Variants in BPTF observed in about 807,000 individuals in gnomAD.
BPTF encodes the protein bromodomain PHD finger transcription factor.
BPTF carries 18 observed loss-of-function variants against 292.5 expected under a neutral mutation model. The observed-to-expected ratio is 0.06, with a 90% CI of 0.04 to 0.09. The LOEUF (loss-of-function observed/expected upper bound fraction) is 0.09, where lower values mean the gene tolerates loss of function less well. BPTF is among the 10% of genes least tolerant of loss of function. BPTF has a pLI of 1.00. For synonymous variants in BPTF, 1,225 were observed against 1,251.9 expected, an observed-to-expected ratio of 0.98 and a Z score of 0.45; for missense variants, 2,726 against 3,498.7, an observed-to-expected ratio of 0.78 and a Z score of 5.57.
At position 67,904,860 on chromosome 17, in the gene BPTF, T is replaced by A. The variant is rs527643370; in HGVS notation, c.2812+20T>A. 1.3e-6 allele frequency: 2 copies of A among 1,588,970 alleles called. No homozygotes were observed. Among genetic ancestry groups the A allele is most frequent in the Non-Finnish European group, 8.6e-7 (1 of 1,161,158 alleles). ...AAGGAAGTAAGTAATTAAAATTACA[T>A]GTCCTGCATAATCGTTTCTGCTTTA... On this transcript the variant is annotated intron_variant, in intron 9 of 27. Coordinates refer to ENST00000306378, the MANE Select transcript of BPTF (RefSeq NM_182641.4).
chr17:67,909,406 A>G (rs778428287), intron 9 of BPTF, among the ~76,000 whole-genome samples, 176 bp from the exon 10 acceptor site: 4 of 151,178 alleles, frequency 2.6e-5, no homozygotes, highest in Non-Finnish European at 5.9e-5. Flanking sequence ...TCAGCCAGGC[A>G]TATAGGATTA....
Position 67,825,674 on chromosome 17 carries a change from G to T in BPTF, c.-51G>T. 1 of 226,974 alleles carries T rather than the reference G, an allele frequency of 4.4e-6. No homozygotes were observed. The highest frequency in any genetic ancestry group is 5.3e-5 in the South Asian group (1 of 18,726). 14.1% of individuals were successfully genotyped at this position (226,974 alleles called of 1,614,324 possible). On this transcript the variant is annotated 5_prime_UTR_variant, in exon 1 of 28. Transcript: ENST00000306378. ...CCCGGCGCTCCCCACCGCCCCCCCT[G>T]CGCCCGCCCCTCCCCCTTCGCTTTC...
chr17:67,970,276 C>A (rs1381264455), intron 26 of BPTF, among the ~76,000 whole-genome samples: 1 of 151,918 alleles, frequency 6.6e-6, no homozygotes, highest in Non-Finnish European at 1.5e-5. Flanking sequence ...GTGCCTCATG[C>A]CTGTGGTCCC....
chr17:67,866,818 A>G, intron 3 of BPTF, 131 bp downstream of exon 3: 1 of 671,694 alleles, frequency 1.5e-6, no homozygotes, highest in Non-Finnish European at 2.6e-6. Flanking sequence ...ATGGGGATAC[A>G]TTCTGAAAAA....
intron 9 of BPTF, among the ~76,000 whole-genome samples, chr17:67,909,277 C>CA (rs919471590): frequency 1.1e-5 from 1 of 88,538 alleles, no homozygotes; most frequent in African/African-American, 4.1e-5. Flanking sequence ...GTCCCCCCCC[C>CA]CCTTTTTTTT....
intron 7 of BPTF, among the ~76,000 whole-genome samples, chr17:67,903,016 G>A (rs1320065548): frequency 6.6e-6 from 1 of 152,220 alleles, no homozygotes; most frequent in African/African-American, 2.4e-5. Context: ...AGTCTTTACT[G>A]GTAGGTGCAG....
At chr17:67,937,802 C>T (rs56393562) in intron 18 of BPTF, among the ~76,000 whole-genome samples, 33,314 of 152,022 alleles carry the variant, frequency 0.22, 4,309 homozygotes, top group East Asian at 0.68. Context: ...CCTCTTCCTA[C>T]GCCACACTAG....
chr17:67,868,123 A>G (rs1048697318), intron 3 of BPTF, among the ~76,000 whole-genome samples: 6 of 152,160 alleles, frequency 3.9e-5, no homozygotes, highest in Admixed American at 1.3e-4. Flanking sequence ...TTATAATTCA[A>G]TGTCACCTTA....
chr17:67,885,389 G>A (rs2060684302), intron 4 of BPTF, among the ~76,000 whole-genome samples: 1 of 152,182 alleles, frequency 6.6e-6, no homozygotes, highest in Non-Finnish European at 1.5e-5. Context: ...TTCGAGCCCA[G>A]CCTGGCCAAC....
chr17:67,951,211 T>G (rs1389974868), intron 23 of BPTF: 1 of 152,150 alleles, frequency 6.6e-6, no homozygotes, highest in Non-Finnish European at 1.5e-5. Context: ...CTCTCTCTTT[T>G]TCTCAGAGGT....
Position 67,854,256 on chromosome 17 carries a change from G to C in BPTF, c.930G>C (p.Leu310=). The stretch of plus-strand genomic sequence containing the variant: ...ATACTACCTTTGGACCTGCTGATCT[G>C]AAAGATAGCGTTAATTCCACACTGT... The part of the protein sequence containing the change: ...TSNTTFGPAD[L]KDSVNSTLYF... The change falls in exon 2 of 28, where the codon CTG becomes CTC. Residue 310 remains leucine (L), a synonymous_variant. Coordinates refer to ENST00000306378, the MANE Select transcript of BPTF (RefSeq NM_182641.4). This position sits in a 1 kb window ranked among gnomAD's most constrained non-coding sequence, Gnocchi z 5.6. 3 of 1,614,198 alleles carry C rather than the reference G, an allele frequency of 1.9e-6. No individual in the cohort carries two copies. Among genetic ancestry groups the C allele is most frequent in the Non-Finnish European group, 2.5e-6 (3 of 1,180,028 alleles).
In BPTF at chr17:67,966,608, G is replaced by C; in HGVS notation, c.8491G>C (p.Asp2831His). Residue 2831 changes from aspartate (D) to histidine (H), a missense_variant, in exon 26 of 28, where the codon GAC becomes CAC. By Grantham distance (81) the Asp-to-His change is moderately conservative. This residue lies in a region of BPTF where 48 missense variants were observed against 114.2 expected (regional missense o/e 0.42). Coordinates refer to ENST00000306378, the MANE Select transcript of BPTF (RefSeq NM_182641.4). Reference sequence around the variant, plus strand: ...GGCCTGGCCTTTCCTTGAACCAGTAGACCCTAATGATGCACCAGATTATTA... The same window carrying C: ...GGCCTGGCCTTTCCTTGAACCAGTACACCCTAATGATGCACCAGATTATTA... Reference protein sequence around the residue: ...KMAWPFLEPVDPNDAPDYYGV... With the variant: ...KMAWPFLEPVHPNDAPDYYGV... 1 of 1,603,454 alleles carries C rather than the reference G, an allele frequency of 6.2e-7. No individual in the cohort carries two copies. Among genetic ancestry groups the C allele is most frequent in the Non-Finnish European group, 8.5e-7 (1 of 1,176,358 alleles).
intron 7 of BPTF, among the ~76,000 whole-genome samples, chr17:67,899,303 G>A (rs1366989881): frequency 2.0e-5 from 3 of 152,160 alleles, no homozygotes; most frequent in Admixed American, 6.5e-5. Flanking sequence ...TAGTAGACCT[G>A]TTTTATGCTG....
chr17:67,945,940 A>G lies in BPTF; in HGVS notation c.7232A>G (p.Asn2411Ser). The G allele has an allele frequency of 6.2e-7, 1 of 1,614,134 alleles. No individual in the cohort carries two copies. The highest frequency in any genetic ancestry group is 8.5e-7 in the Non-Finnish European group (1 of 1,180,022). ...TQTLSSGQTL[N>S]QVTVSSPSRP... ...ACTCTTTCATCAGGACAAACTTTAAATCAAGTTACTGTTTCATCCCCATCC... is the reference window on the plus strand; with the variant it reads ...ACTCTTTCATCAGGACAAACTTTAAGTCAAGTTACTGTTTCATCCCCATCC... The change falls in exon 21 of 28, where the codon AAT (asparagine) becomes AGT (serine). Residue 2411 changes from asparagine (N) to serine (S), a missense_variant. Around this residue, in one of 22 missense-constraint regions of BPTF, gnomAD observed 570 missense variants for 633.5 expected, o/e 0.90. Transcript: ENST00000306378.
At chr17:67,884,851 G>T (rs2060649799) in intron 4 of BPTF, among the ~76,000 whole-genome samples, 1 of 152,044 alleles carries the variant, frequency 6.6e-6, no homozygotes, top group Non-Finnish European at 1.5e-5. Context: ...CAGGATTGCT[G>T]TGTTAAGTAA....
Position 67,913,170 on chromosome 17 carries a change from C to G in BPTF, c.5286C>G (p.Thr1762=). Residue 1762 remains threonine (T), a synonymous_variant, in exon 11 of 28, where the codon ACC becomes ACG. Coordinates refer to ENST00000306378, the MANE Select transcript of BPTF (RefSeq NM_182641.4). ...GGCCATATCCTTCTCCTAGACCGAC[C>G]TTTGGCATCACTTGGAGGTATGTAC... ...DIWPYPSPRP[T]FGITWRYRLQ... 3 of 1,601,822 alleles carry G rather than the reference C, an allele frequency of 1.9e-6. No individual in the cohort carries two copies. Among genetic ancestry groups the G allele is most frequent in the Non-Finnish European group, 2.6e-6 (3 of 1,175,730 alleles).
intron 1 of BPTF, among the ~76,000 whole-genome samples, chr17:67,839,371 CAT>C (rs1238262848): frequency 1.3e-5 from 2 of 151,758 alleles, no homozygotes; most frequent in South Asian, 2.1e-4. Flanking sequence ...TATTTTGTCA[CAT>C]GTCATCTTAG....
Position 67,855,833 on chromosome 17 carries a change from G to A in BPTF, c.1436+1071G>A, listed in dbSNP as rs144089668. ...GAAATGAATGTCAGAGCAGGGCATG[G>A]AAAGGAGAGTTGAAACTTTATCAGT... is the stretch of plus-strand genomic sequence containing the variant. On this transcript the variant is annotated intron_variant, in intron 2 of 27. Coordinates refer to ENST00000306378, the MANE Select transcript of BPTF (RefSeq NM_182641.4). Among the ~76,000 whole-genome samples, 28 of 152,340 alleles carry A rather than the reference G, an allele frequency of 1.8e-4. 1 individual carries two copies. Among genetic ancestry groups the A allele is most frequent in the Admixed American group, 4.6e-4 (7 of 15,306 alleles).
chr17:67,908,718 T>C (rs1410585962), intron 9 of BPTF, among the ~76,000 whole-genome samples: 1 of 151,336 alleles, frequency 6.6e-6, no homozygotes, highest in Non-Finnish European at 1.5e-5. Flanking sequence ...TTGAACTCCT[T>C]GTCCTCAAGT....
Sources: allele counts gnomAD v4.1 joint callset (sites outside exome capture counted in the v4.1 genomes callset), GRCh38; gene constraint gnomAD v4.1.1; regional missense constraint gnomAD v4.1.1; non-coding constraint Gnocchi (gnomAD v3.1); transcripts MANE v1.5; gene names NCBI Gene and HGNC (gene_info 2026-07-23, HGNC 2026-07-21).